Variants in TSPAN8 observed in about 807,000 individuals in gnomAD.
The protein encoded by TSPAN8 is tetraspanin-8.
TSPAN8 carries 21 observed loss-of-function variants against 32.8 expected under a neutral mutation model. The ratio of observed to expected loss-of-function variants is 0.64; its 90% CI spans 0.45 to 0.92. The LOEUF is 0.92. TSPAN8 is among the 40% of genes least tolerant of loss of function. TSPAN8 has a pLI of 0.00. For missense variants in TSPAN8, 269 were observed against 281.9 expected, an observed-to-expected ratio of 0.95 and a Z score of 0.33; for synonymous variants, 95 against 94.6, an observed-to-expected ratio of 1.00 and a Z score of -0.03.
intron 2 of TSPAN8, among the ~76,000 whole-genome samples, chr12:71,147,964 T>A (rs1346174093): frequency 2.0e-5 from 3 of 152,318 alleles, no homozygotes; most frequent in Admixed American, 6.5e-5. Context: ...ATTCTGTATC[T>A]CTAACAGTGT....
At chr12:71,139,005 A>G (rs1871804669) in intron 4 of TSPAN8, 2 of 177,028 alleles carry the variant, frequency 1.1e-5, no homozygotes, top group East Asian at 1.1e-4. Flanking sequence ...TTTCTACTGT[A>G]TATGTTAAAA....
At chr12:71,156,809 CTGAT>C (rs1423927131) in intron 2 of TSPAN8, 4 of 152,182 alleles carry the variant, frequency 2.6e-5, no homozygotes, top group Non-Finnish European at 4.4e-5. Flanking sequence ...GCTATTTCCA[CTGAT>C]TGACATTTAA....
intron 4 of TSPAN8, among the ~76,000 whole-genome samples, chr12:71,139,497 G>GAAGGATGTATTTCAGGGTCCTGGCAC (rs1555195468): frequency 5.6e-4 from 85 of 152,136 alleles, no homozygotes; most frequent in Admixed American, 7.9e-4. Flanking sequence ...ATGGATGAAT[G>GAAGGATGTATTTCAGGGTCCTGGCAC]ATTAAAATTT....
chr12:71,152,619 G>C (rs1292427045), intron 2 of TSPAN8, among the ~76,000 whole-genome samples: 1 of 152,168 alleles, frequency 6.6e-6, no homozygotes. Flanking sequence ...TGATGAAGGA[G>C]CTGATGTTTA....
At chr12:71,153,491 C>G (rs1241765905) in intron 2 of TSPAN8, among the ~76,000 whole-genome samples, 1 of 152,288 alleles carries the variant, frequency 6.6e-6, no homozygotes, top group South Asian at 2.1e-4. Flanking sequence ...ACATGCATAT[C>G]TAAGAGATAT....
intron 8 of TSPAN8, among the ~76,000 whole-genome samples, chr12:71,127,215 G>A (rs142652084): frequency 3.9e-5 from 6 of 152,018 alleles, no homozygotes; most frequent in Non-Finnish European, 7.4e-5. Context: ...AAACAAAGAA[G>A]GGAGATAGGC....
chr12:71,125,398 A>G lies in TSPAN8; in HGVS notation c.661-11T>C, dbSNP rs753149213. 1.2e-6 allele frequency: 2 copies of G among 1,607,826 alleles called. No individual in the cohort carries two copies. The highest frequency in any genetic ancestry group is 1.7e-6 in the Non-Finnish European group (2 of 1,177,426). On this transcript the variant is annotated splice_polypyrimidine_tract_variant and intron_variant, in intron 8 of 8. Transcript: ENST00000247829. ...CACCAAACCCAGTATCTAGAGAACA[A>G]AATAACAGGATTAACATGGAATTTA...
chr12:71,144,345 G>A (rs1227866034), intron 2 of TSPAN8, 132 bp from the exon 3 acceptor site: 1 of 688,050 alleles, frequency 1.5e-6, no homozygotes, highest in African/African-American at 1.8e-5. Flanking sequence ...AGACATAAAT[G>A]AGGCATATTC....
intron 4 of TSPAN8, among the ~76,000 whole-genome samples, chr12:71,138,458 T>G (rs1877122): frequency 0.072 from 11,006 of 152,178 alleles, 922 homozygotes; most frequent in East Asian, 0.26. Flanking sequence ...GCAAAAAAAT[T>G]ATCAAAACAA....
intron 2 of TSPAN8, among the ~76,000 whole-genome samples, chr12:71,151,202 T>C (rs1224502485): frequency 6.6e-6 from 1 of 152,056 alleles, no homozygotes; most frequent in Non-Finnish European, 1.5e-5. Context: ...TAGCTAGGAC[T>C]ACAGGTGTCA....
At chr12:71,148,673 C>T (rs1358310165) in intron 2 of TSPAN8, among the ~76,000 whole-genome samples, 1 of 152,034 alleles carries the variant, frequency 6.6e-6, no homozygotes, top group Non-Finnish European at 1.5e-5. Context: ...TATCTATTAT[C>T]TTCTTTCACA....
chr12:71,154,160 G>A (rs1206567891), intron 2 of TSPAN8, among the ~76,000 whole-genome samples: 1 of 151,716 alleles, frequency 6.6e-6, no homozygotes, highest in Non-Finnish European at 1.5e-5. Flanking sequence ...AATACAAAAA[G>A]TTAGCTGGGC....
At chr12:71,144,292 C>G (rs2291741) in intron 2 of TSPAN8, 79 bp from the exon 3 acceptor site, 22 of 1,301,998 alleles carry the variant, frequency 1.7e-5, no homozygotes, top group South Asian at 8.8e-5. Flanking sequence ...CCTATCTATC[C>G]GGTGACAGTA....
At position 71,125,330 on chromosome 12, in the gene TSPAN8, A is replaced by G; in HGVS notation, c.*4T>C. 6.2e-7 allele frequency: 1 copy of G among 1,611,330 alleles called. No homozygotes were observed. The highest frequency in any genetic ancestry group is 8.5e-7 in the Non-Finnish European group (1 of 1,178,976). On this transcript the variant is annotated 3_prime_UTR_variant, in exon 9 of 9. Transcript: ENST00000247829. ...ACTGACGATAGGTTGATGCATCCACAGATTCATTTGTTCCCGATCTGGCAA... is the reference window on the plus strand; with the variant it reads ...ACTGACGATAGGTTGATGCATCCACGGATTCATTTGTTCCCGATCTGGCAA...
At chr12:71,149,791 G>A (rs952248188) in intron 2 of TSPAN8, among the ~76,000 whole-genome samples, 6 of 152,154 alleles carry the variant, frequency 3.9e-5, no homozygotes, top group East Asian at 3.9e-4. Flanking sequence ...AAACATGTGC[G>A]TTTGAACAAT....
chr12:71,142,359 A>AT (rs1401395453), intron 3 of TSPAN8, among the ~76,000 whole-genome samples: 2 of 152,242 alleles, frequency 1.3e-5, no homozygotes, highest in African/African-American at 2.4e-5. Context: ...AATATGTGCA[A>AT]TTTTTTAACA....
At chr12:71,139,391 A>G in intron 4 of TSPAN8, 1 of 487,784 alleles carries the variant, frequency 2.1e-6, no homozygotes, top group Non-Finnish European at 3.7e-6. Flanking sequence ...TTACTTATTA[A>G]CCTTCCCTAG....
chr12:71,142,343 A>G (rs1303849280), intron 3 of TSPAN8, among the ~76,000 whole-genome samples: 1 of 152,180 alleles, frequency 6.6e-6, no homozygotes. Flanking sequence ...CCCCTTTAAT[A>G]CATTCAATAT....
intron 2 of TSPAN8, among the ~76,000 whole-genome samples, chr12:71,150,622 T>TCCG (rs1872222942): frequency 6.6e-6 from 1 of 152,210 alleles, no homozygotes; most frequent in Non-Finnish European, 1.5e-5. Flanking sequence ...GTTGAAATAC[T>TCCG]GGGGGCACGT....
Sources: allele counts gnomAD v4.1 joint callset (sites outside exome capture counted in the v4.1 genomes callset), GRCh38; gene constraint gnomAD v4.1.1; transcripts MANE v1.5; gene names NCBI Gene and HGNC (gene_info 2026-07-23, HGNC 2026-07-21).